ANXA10: variants seen among roughly 807,000 people sequenced by gnomAD.
ANXA10 encodes the protein annexin A10, also known as annexin 14.
ANXA10 carries 49 observed loss-of-function variants against 53.5 expected under a neutral mutation model. That is an observed-to-expected ratio of 0.92 (90% CI 0.73 to 1.16). The LOEUF is 1.16. ANXA10 is among the 50% of genes most tolerant of loss of function. The probability of loss-of-function intolerance (pLI) is 0.00; values close to 1 mark genes in which losing one functional copy is unlikely to be tolerated. For missense variants in ANXA10, 393 were observed against 394.4 expected, an observed-to-expected ratio of 1.00 and a Z score of 0.03; for synonymous variants, 131 against 128.9, an observed-to-expected ratio of 1.02 and a Z score of -0.11.
At chr4:168,102,214 T>G (rs1039115394) in intron 1 of ANXA10, among the ~76,000 whole-genome samples, 9 of 152,162 alleles carry the variant, frequency 5.9e-5, no homozygotes, top group African/African-American at 1.9e-4. Context: ...ATAGATAAAT[T>G]TGCTACAAAC....
At chr4:168,099,484 C>A (rs1258718061) in intron 1 of ANXA10, among the ~76,000 whole-genome samples, 1 of 152,044 alleles carries the variant, frequency 6.6e-6, no homozygotes, top group East Asian at 1.9e-4. Context: ...ACAGTAGTCC[C>A]TTCACAGTAG....
rs775293949 is a variant in ANXA10, at chr4:168,187,343, ATATAT to A, written c.907-16_907-12del. 9.5e-6 allele frequency: 14 copies of A among 1,477,362 alleles called. No individual in the cohort carries two copies. In the African/African-American group the frequency reaches 1.7e-4, roughly 18 times the overall value. The allele number at this position is 1,477,362 out of a possible 1,614,324, so 91.5% of individuals were successfully genotyped here. On this transcript the variant is annotated intron_variant, in intron 11 of 11. Transcript: ENST00000359299. ...GAACTATTATGATATTTTATTTCAAATATATTATATTTTTCTTTTCAGAATTTTGC... is the reference window on the plus strand; with the variant it reads ...GAACTATTATGATATTTTATTTCAAATATATTTTTCTTTTCAGAATTTTGC...
chr4:168,161,974 A>G (rs989911074), intron 3 of ANXA10, among the ~76,000 whole-genome samples: 5 of 152,186 alleles, frequency 3.3e-5, no homozygotes, highest in African/African-American at 1.2e-4. Context: ...CACATTTAGT[A>G]TGCATGTATT....
intron 1 of ANXA10, among the ~76,000 whole-genome samples, chr4:168,107,049 C>T (rs1471989759): frequency 6.6e-6 from 1 of 152,102 alleles, no homozygotes; most frequent in African/African-American, 2.4e-5. Flanking sequence ...ATACTATCCC[C>T]CACATTGCAG....
chr4:168,144,572 C>G (rs1303416180), intron 3 of ANXA10, among the ~76,000 whole-genome samples: 1 of 152,160 alleles, frequency 6.6e-6, no homozygotes, highest in African/African-American at 2.4e-5. Flanking sequence ...CCAACTGATA[C>G]CTAGAACTTT....
chr4:168,093,628 GATCGCGCCACTGC>G (rs1730495082), intron 1 of ANXA10, among the ~76,000 whole-genome samples: 2 of 152,138 alleles, frequency 1.3e-5, no homozygotes, highest in Admixed American at 6.6e-5. Flanking sequence ...AGTGAGCCGA[GATCGCGCCACTGC>G]ACTCCAGCCT....
intron 10 of ANXA10, among the ~76,000 whole-genome samples, chr4:168,182,523 C>T (rs1271786886): frequency 6.7e-6 from 1 of 148,386 alleles, no homozygotes; most frequent in African/African-American, 2.5e-5. Flanking sequence ...TTAGTAGAGA[C>T]GGGGTTTCAC....
intron 9 of ANXA10, among the ~76,000 whole-genome samples, chr4:168,181,255 G>T (rs185124121): frequency 0.011 from 1,693 of 152,044 alleles, 32 homozygotes; most frequent in African/African-American, 0.037. Flanking sequence ...GCCGGGCGTG[G>T]TGGCGGGCGC....
chr4:168,139,339 T>C, intron 2 of ANXA10, 147 bp from the exon 3 acceptor site: 2 of 568,706 alleles, frequency 3.5e-6, no homozygotes, highest in Non-Finnish European at 6.1e-6. Flanking sequence ...CATCATTACA[T>C]GATTTCCAAT....
chr4:168,181,717 TTATAGATTA>T lies in ANXA10; in HGVS notation c.765_773del (p.Arg255_Tyr257del). The T allele has an allele frequency of 6.2e-7, 1 of 1,601,944 alleles. No homozygotes were observed. Among genetic ancestry groups the T allele is most frequent in the East Asian group, 2.2e-5 (1 of 44,696 alleles). ...TTCGAGACAAACCAGCCTATTTTGC[TTATAGATTA>T]TATAGTGCAATTCATGTAAGTAAGA... On this transcript the variant is annotated inframe_deletion, in exon 10 of 12. Transcript: ENST00000359299.
intron 1 of ANXA10, among the ~76,000 whole-genome samples, chr4:168,122,960 C>A (rs1169729360): frequency 1.3e-5 from 2 of 152,102 alleles, no homozygotes; most frequent in Non-Finnish European, 2.9e-5. Context: ...CAAAATCCTG[C>A]CAGTCTATTG....
At chr4:168,127,502 G>A (rs1191346373) in intron 1 of ANXA10, among the ~76,000 whole-genome samples, 1 of 151,820 alleles carries the variant, frequency 6.6e-6, no homozygotes, top group Non-Finnish European at 1.5e-5. Context: ...CCACCAATAT[G>A]GTACCCTTTT....
At chr4:168,147,633 T>TCTC (rs1033886054) in intron 3 of ANXA10, among the ~76,000 whole-genome samples, 1 of 152,126 alleles carries the variant, frequency 6.6e-6, no homozygotes, top group African/African-American at 2.4e-5. Flanking sequence ...AGTCTAAAGG[T>TCTC]CTCCAATCAT....
chr4:168,178,049 C>G, intron 8 of ANXA10, 66 bp downstream of exon 8: 1 of 1,427,822 alleles, frequency 7.0e-7, no homozygotes, highest in African/African-American at 1.4e-5. Flanking sequence ...AGGTGGTTAA[C>G]TAGAAACAAA....
chr4:168,165,919 C>A (rs913046331), intron 6 of ANXA10, among the ~76,000 whole-genome samples: 8 of 152,054 alleles, frequency 5.3e-5, no homozygotes, highest in African/African-American at 1.4e-4. Flanking sequence ...TCAGGTGATC[C>A]GCCTGCCTCA....
intron 3 of ANXA10, among the ~76,000 whole-genome samples, chr4:168,153,435 A>AC (rs1371666083): frequency 1.8e-5 from 1 of 56,362 alleles, no homozygotes; most frequent in Non-Finnish European, 4.5e-5. Context: ...AAAAAAAAAA[A>AC]AAAAAACAAA....
At chr4:168,116,211 A>T (rs1178181369) in intron 1 of ANXA10, among the ~76,000 whole-genome samples, 1 of 152,164 alleles carries the variant, frequency 6.6e-6, no homozygotes, top group Non-Finnish European at 1.5e-5. Context: ...TTTGAGTGGG[A>T]TACAATCCAT....
intron 1 of ANXA10, among the ~76,000 whole-genome samples, chr4:168,116,573 A>C (rs570390066): frequency 2.6e-5 from 4 of 152,076 alleles, no homozygotes; most frequent in Admixed American, 1.3e-4. Context: ...CCCACCCCCC[A>C]AAAAATAACT....
chr4:168,169,378 T>C (rs1357611684), intron 6 of ANXA10, among the ~76,000 whole-genome samples: 1 of 152,222 alleles, frequency 6.6e-6, no homozygotes, highest in Non-Finnish European at 1.5e-5. Context: ...AGTTCCATTA[T>C]AAGCCATTAT....
Sources: allele counts gnomAD v4.1 joint callset (sites outside exome capture counted in the v4.1 genomes callset), GRCh38; gene constraint gnomAD v4.1.1; transcripts MANE v1.5; gene names NCBI Gene and HGNC (gene_info 2026-07-23, HGNC 2026-07-21).